Variants in SND1 observed in about 807,000 individuals in gnomAD.
SND1 encodes the protein staphylococcal nuclease and tudor domain containing 1.
Under a neutral mutation model 121.7 loss-of-function variants are expected in SND1, and 38 were observed. That is an observed-to-expected ratio of 0.31 (90% CI 0.24 to 0.41). The LOEUF is 0.41. Among genes scored for constraint, SND1 ranks in the 10% least tolerant of loss-of-function variants. SND1 has a pLI of 1.00. For missense variants in SND1, 868 were observed against 1,184.6 expected (o/e 0.73, Z 3.92); for synonymous variants, 401 against 447.4 (o/e 0.90, Z 1.31).
At chr7:127,963,252 CTTT>C (rs56243600) in intron 15 of SND1, among the ~76,000 whole-genome samples, 1 of 144,220 alleles carries the variant, frequency 6.9e-6, no homozygotes. Flanking sequence ...TATTTCTTTT[CTTT>C]TTTTTTTTTT....
At chr7:127,785,750 G>A (rs1315374042) in intron 10 of SND1, among the ~76,000 whole-genome samples, 1 of 152,212 alleles carries the variant, frequency 6.6e-6, no homozygotes, top group Non-Finnish European at 1.5e-5. Flanking sequence ...TACCAAAATG[G>A]TATTTAATGG....
chr7:127,913,454 A>G (rs970926461), intron 14 of SND1, among the ~76,000 whole-genome samples: 1 of 152,130 alleles, frequency 6.6e-6, no homozygotes, highest in Non-Finnish European at 1.5e-5. Context: ...AGTTAGGAAC[A>G]TTTTTTCCAA....
chr7:128,038,872 C>T (rs778083301), intron 16 of SND1, among the ~76,000 whole-genome samples: 16 of 152,168 alleles, frequency 1.1e-4, no homozygotes, highest in Non-Finnish European at 1.5e-4. Context: ...TCTACAGTCT[C>T]TTCTCCATAG....
At chr7:127,992,768 G>A (rs1283391489) in intron 16 of SND1, among the ~76,000 whole-genome samples, 2 of 152,128 alleles carry the variant, frequency 1.3e-5, no homozygotes, top group Non-Finnish European at 2.9e-5. Context: ...AGATCCAAAA[G>A]TACAAGGGGA....
At chr7:127,733,506 C>A (rs1304554807) in intron 10 of SND1, among the ~76,000 whole-genome samples, 1 of 152,150 alleles carries the variant, frequency 6.6e-6, no homozygotes, top group African/African-American at 2.4e-5. Flanking sequence ...ACCTAGGTCC[C>A]CTTCCCTGCT....
chr7:127,896,590 G>A (rs1800124632), intron 13 of SND1, among the ~76,000 whole-genome samples: 1 of 151,658 alleles, frequency 6.6e-6, no homozygotes, highest in South Asian at 2.1e-4. Context: ...ACAAATCAAA[G>A]TGTATGCCCT....
intron 16 of SND1, chr7:127,997,440 T>C: frequency 3.1e-6 from 1 of 324,226 alleles, no homozygotes; most frequent in Non-Finnish European, 6.0e-6. Flanking sequence ...TGCCCATGCC[T>C]CCCCTAAATA....
intron 15 of SND1, among the ~76,000 whole-genome samples, chr7:127,951,198 G>C (rs535025361): frequency 5.3e-5 from 8 of 152,176 alleles, no homozygotes; most frequent in Admixed American, 5.2e-4. Flanking sequence ...AATGGATAAA[G>C]AAAATGTGGT....
At chr7:127,957,982 G>A (rs566245736) in intron 15 of SND1, among the ~76,000 whole-genome samples, 6 of 152,334 alleles carry the variant, frequency 3.9e-5, no homozygotes, top group South Asian at 2.1e-4. Flanking sequence ...GGTTACAGGC[G>A]TGTGCCACTG....
intron 10 of SND1, among the ~76,000 whole-genome samples, chr7:127,752,072 T>C (rs1797106954): frequency 6.6e-6 from 1 of 152,240 alleles, no homozygotes; most frequent in Admixed American, 6.5e-5. Flanking sequence ...CCAGCCATGT[T>C]GTTAGATGTA....
intron 2 of SND1, chr7:127,694,622 C>A: frequency 2.0e-6 from 1 of 511,772 alleles, no homozygotes; most frequent in Non-Finnish European, 3.4e-6. Flanking sequence ...TTAGTTAAAC[C>A]AACTGCTGGA....
At chr7:128,014,474 C>G (rs73721277) in intron 16 of SND1, among the ~76,000 whole-genome samples, 2,108 of 152,332 alleles carry the variant, frequency 0.014, 60 homozygotes, top group African/African-American at 0.048. Context: ...AGAGTCCTCA[C>G]TAGAAGGAGC....
At chr7:127,815,343 A>G (rs1457487559) in intron 11 of SND1, among the ~76,000 whole-genome samples, 1 of 152,160 alleles carries the variant, frequency 6.6e-6, no homozygotes, top group Non-Finnish European at 1.5e-5. Context: ...GACGATCTAT[A>G]GCCAGGCGTG....
chr7:127,735,068 A>G (rs1163663889), intron 10 of SND1, among the ~76,000 whole-genome samples: 2 of 152,182 alleles, frequency 1.3e-5, no homozygotes, highest in Non-Finnish European at 2.9e-5. Flanking sequence ...TGGCCCAGGT[A>G]GAGCGTGAGG....
chr7:128,028,973 C>T (rs748250755), intron 16 of SND1: 7 of 1,609,644 alleles, frequency 4.3e-6, no homozygotes, highest in Non-Finnish European at 5.9e-6. Flanking sequence ...CTGTACTCCG[C>T]TGCTGGTGCC....
chr7:127,667,096 G>C (rs976672227), intron 1 of SND1, among the ~76,000 whole-genome samples: 2 of 152,070 alleles, frequency 1.3e-5, no homozygotes, highest in African/African-American at 2.4e-5. Flanking sequence ...AATAAGTGGG[G>C]AAAAGTCATG....
At chr7:127,874,757 A>C (rs1298900107) in intron 12 of SND1, among the ~76,000 whole-genome samples, 1 of 152,202 alleles carries the variant, frequency 6.6e-6, no homozygotes, top group Non-Finnish European at 1.5e-5. Context: ...CCTCAAAAAA[A>C]TCCTCTGAAT....
At position 127,936,126 on chromosome 7, in the gene SND1, C is replaced by A. The variant is rs150424528; in HGVS notation, c.1669+6797C>A. 7.9e-3 allele frequency among the ~76,000 whole-genome samples: 1,201 copies of A among 152,304 alleles called. 18 individuals are homozygous for A. The highest frequency in any genetic ancestry group is 0.027 in the African/African-American group (1,123 of 41,566). ...CCAACAGGTCAGTGCCTCCTGAACGCTCTTGCCCTCTAGTCCTTTAAGCAC... is the reference window on the plus strand; with the variant it reads ...CCAACAGGTCAGTGCCTCCTGAACGATCTTGCCCTCTAGTCCTTTAAGCAC... On this transcript the variant is annotated intron_variant, in intron 15 of 23. Coordinates refer to ENST00000354725, the MANE Select transcript of SND1 (RefSeq NM_014390.4).
At chr7:127,845,988 C>T (rs973506965) in intron 12 of SND1, among the ~76,000 whole-genome samples, 3 of 152,182 alleles carry the variant, frequency 2.0e-5, no homozygotes, top group African/African-American at 7.2e-5. Flanking sequence ...GAGATCTCCA[C>T]TGTGTTTATT....
Sources: gnomAD v4.1 joint callset for allele counts (sites outside exome capture counted in the v4.1 genomes callset) on GRCh38, gnomAD v4.1.1 for gene constraint, MANE v1.5 for transcripts, NCBI Gene and HGNC (gene_info 2026-07-23, HGNC 2026-07-21) for gene names.